ADORA2B: variants seen among roughly 807,000 people sequenced by gnomAD.
ADORA2B encodes adenosine A2b receptor, also known as adenosine receptor A2b.
A neutral mutation model predicts 20.8 loss-of-function variants in ADORA2B; 18 were observed. The ratio of observed to expected loss-of-function variants is 0.87; its 90% confidence interval spans 0.60 to 1.29. The LOEUF is 1.29. Ranked by LOEUF, ADORA2B falls within the 50% of genes most tolerant of loss-of-function variation. The probability of loss-of-function intolerance (pLI) is 0.00; values close to 1 mark genes in which losing one functional copy is unlikely to be tolerated. For missense variants in ADORA2B, 441 were observed against 422.7 expected, an observed-to-expected ratio of 1.04 and a Z score of -0.38; for synonymous variants, 179 against 178.3, an observed-to-expected ratio of 1.00 and a Z score of -0.03.
the ADORA2B span, among the ~76,000 whole-genome samples, chr17:15,862,277 G>A: frequency 0.092 from 13,004 of 140,708 alleles, 1,706 homozygotes; most frequent in African/African-American, 0.3. Context: ...GTACAGTGGC[G>A]TGATCTGGGC....
At chr17:15,881,663 C>T in the ADORA2B span, among the ~76,000 whole-genome samples, 12 of 152,234 alleles carry the variant, frequency 7.9e-5, no homozygotes, top group African/African-American at 2.4e-4. Flanking sequence ...ACCTCATAGA[C>T]GTGGACTCAC....
chr17:15,854,460 A>G, the ADORA2B span, among the ~76,000 whole-genome samples: 382 of 152,324 alleles, frequency 2.5e-3, 1 homozygote, highest in African/African-American at 8.4e-3. Context: ...TAGGAATAGA[A>G]GGGCAATTCC....
At chr17:15,851,862 G>GTCTCCTT in the ADORA2B span, among the ~76,000 whole-genome samples, 1 of 152,164 alleles carries the variant, frequency 6.6e-6, no homozygotes, top group Non-Finnish European at 1.5e-5. Flanking sequence ...AAACTTGATA[G>GTCTCCTT]ACACATTGCC....
At chr17:15,939,374 C>T in the ADORA2B span, among the ~76,000 whole-genome samples, 3 of 152,188 alleles carry the variant, frequency 2.0e-5, no homozygotes, top group African/African-American at 4.8e-5. Context: ...AACAGTCCTC[C>T]TGGAGCCTTC....
At chr17:15,956,800 A>G (rs936712491) in intron 1 of ADORA2B, among the ~76,000 whole-genome samples, 3 of 151,966 alleles carry the variant, frequency 2.0e-5, no homozygotes, top group African/African-American at 7.3e-5. Flanking sequence ...GGGTTTCACC[A>G]TGCTGGTCAG....
At chr17:15,871,321 C>T in the ADORA2B span, among the ~76,000 whole-genome samples, 2 of 152,170 alleles carry the variant, frequency 1.3e-5, no homozygotes, top group Non-Finnish European at 1.5e-5. Context: ...CTAAGCTGGG[C>T]CCATCAGCCT....
chr17:15,884,484 G>T, the ADORA2B span, among the ~76,000 whole-genome samples: 2 of 152,046 alleles, frequency 1.3e-5, no homozygotes, highest in African/African-American at 4.8e-5. Flanking sequence ...ATGGTGGTTT[G>T]CTGCACAGAT....
the ADORA2B span, among the ~76,000 whole-genome samples, chr17:15,920,123 C>T: frequency 1.3e-5 from 2 of 152,070 alleles, no homozygotes; most frequent in Non-Finnish European, 2.9e-5. Flanking sequence ...TTTTCAGAAA[C>T]TCAAATACTG....
the ADORA2B span, among the ~76,000 whole-genome samples, chr17:15,874,072 A>ATATATG: frequency 7.5e-6 from 1 of 132,830 alleles, no homozygotes; most frequent in African/African-American, 3.8e-5. Flanking sequence ...GTGTGTGTAT[A>ATATATG]TATATATATG....
At chr17:15,880,793 A>G in the ADORA2B span, among the ~76,000 whole-genome samples, 1 of 152,222 alleles carries the variant, frequency 6.6e-6, no homozygotes, top group African/African-American at 2.4e-5. Context: ...TAGCAGCGCC[A>G]GGGTTCCCCT....
chr17:15,858,189 T>C, the ADORA2B span, among the ~76,000 whole-genome samples: 2 of 152,192 alleles, frequency 1.3e-5, no homozygotes, highest in East Asian at 3.8e-4. Context: ...CCATACTGTT[T>C]TCCGTAATGG....
chr17:15,952,928 G>A (rs1293640801), intron 1 of ADORA2B, among the ~76,000 whole-genome samples: 1 of 152,226 alleles, frequency 6.6e-6, no homozygotes, highest in Non-Finnish European at 1.5e-5. Context: ...ACAGCGCCAC[G>A]GGCAGCGGGA....
chr17:15,880,915 G>T, the ADORA2B span, among the ~76,000 whole-genome samples: 2 of 152,320 alleles, frequency 1.3e-5, no homozygotes, highest in South Asian at 2.1e-4. Context: ...GCGAAGTAGG[G>T]CATATGCTTA....
At chr17:15,878,602 T>C in the ADORA2B span, among the ~76,000 whole-genome samples, 2 of 152,260 alleles carry the variant, frequency 1.3e-5, no homozygotes, top group Non-Finnish European at 2.9e-5. Flanking sequence ...ATACCTCTTG[T>C]ACTTTTTTGG....
At chr17:15,858,012 G>T in the ADORA2B span, among the ~76,000 whole-genome samples, 6 of 141,622 alleles carry the variant, frequency 4.2e-5, no homozygotes, top group East Asian at 1.0e-3. Flanking sequence ...TCATCTGGTG[G>T]TGGACACTTG....
At chr17:15,892,435 C>T in the ADORA2B span, among the ~76,000 whole-genome samples, 1 of 151,950 alleles carries the variant, frequency 6.6e-6, no homozygotes, top group Non-Finnish European at 1.5e-5. Flanking sequence ...TTCCAAAGTG[C>T]TGGGATTACA....
upstream of ADORA2B, among the ~76,000 whole-genome samples, chr17:15,943,365 C>T (rs1969761369): frequency 6.6e-6 from 1 of 152,130 alleles, no homozygotes; most frequent in Non-Finnish European, 1.5e-5. Flanking sequence ...CTCTTTTGCC[C>T]AGCCTGGATG....
chr17:15,898,067 A>G, the ADORA2B span, among the ~76,000 whole-genome samples: 31,897 of 152,192 alleles, frequency 0.21, 3,936 homozygotes, highest in Non-Finnish European at 0.28. Context: ...AACATATCCT[A>G]TTGTGTATTT....
rs1019460551 is a variant in ADORA2B at position 15,964,991 on chromosome 17, C to T, written c.336-9688C>T. Among the ~76,000 whole-genome samples, 13 of 151,936 alleles carry T rather than the reference C, an allele frequency of 8.6e-5. No individual in the cohort carries two copies. The East Asian group carries it at 2.0e-3, about 23-fold the overall frequency. The stretch of plus-strand genomic sequence containing the variant: ...AGGAGAATGGCGTGAACCCGGGAGG[C>T]GGAGCTTGCAGTGAGCCGAGATCGT... On this transcript the variant is annotated intron_variant, in intron 1 of 1. Coordinates refer to ENST00000304222, the MANE Select transcript of ADORA2B (RefSeq NM_000676.4).
Sources: gnomAD v4.1 joint callset for allele counts (sites outside exome capture counted in the v4.1 genomes callset) on GRCh38, gnomAD v4.1.1 for gene constraint, MANE v1.5 for transcripts, NCBI Gene and HGNC (gene_info 2026-07-23, HGNC 2026-07-21) for gene names.